The following FRK variants were observed in gnomAD, a reference collection of about 807,000 sequenced individuals.
FRK encodes the protein fyn related Src family tyrosine kinase, also known as tyrosine-protein kinase FRK.
In FRK, 51 loss-of-function variants were observed where a neutral mutation model predicts 56.4. The ratio of observed to expected loss-of-function variants is 0.90; its 90% CI spans 0.72 to 1.14. FRK has a LOEUF of 1.14. FRK is among the 50% of genes most tolerant of loss of function. The pLI, the probability that FRK is intolerant of heterozygous loss-of-function variation, is 0.00. For synonymous variants in FRK, 245 were observed against 217.9 expected, an observed-to-expected ratio of 1.12 and a Z score of -1.10; for missense variants, 570 against 601.4, an observed-to-expected ratio of 0.95 and a Z score of 0.55.
At chr6:116,061,308 T>A (rs1409749779), upstream of FRK, among the ~76,000 whole-genome samples, 2 of 151,908 alleles carry the variant, frequency 1.3e-5, no homozygotes, top group Non-Finnish European at 2.9e-5. Context: ...TCTGGAAAAG[T>A]AAGAAAGCAG....
intron 2 of FRK, chr6:116,002,612 C>CA (rs954313320): frequency 1.2e-5 from 5 of 428,294 alleles, no homozygotes; most frequent in African/African-American, 4.1e-5. Flanking sequence ...CTCAAAAAAA[C>CA]AAAAAAATGG....
At chr6:116,090,750 C>G in the FRK span, among the ~76,000 whole-genome samples, 1 of 152,086 alleles carries the variant, frequency 6.6e-6, no homozygotes, top group African/African-American at 2.4e-5. Context: ...CCCACACCCC[C>G]AAAAGAACAG....
At chr6:116,057,963 T>C (rs1372413875) in intron 1 of FRK, among the ~76,000 whole-genome samples, 1 of 152,242 alleles carries the variant, frequency 6.6e-6, no homozygotes, top group African/African-American at 2.4e-5. Flanking sequence ...TGAATGTAAC[T>C]GAACCACTAC....
the FRK span, among the ~76,000 whole-genome samples, chr6:116,080,729 T>C: frequency 6.6e-5 from 10 of 152,186 alleles, no homozygotes; most frequent in South Asian, 6.2e-4. Context: ...CAAAGAAACA[T>C]AGAAGGACTT....
chr6:115,987,068 T>C (rs1366055622), intron 2 of FRK, among the ~76,000 whole-genome samples: 1 of 152,090 alleles, frequency 6.6e-6, no homozygotes, highest in African/African-American at 2.4e-5. Flanking sequence ...TCATAGGCCA[T>C]GGATGCCAAG....
rs915620857 is a variant in FRK, at chr6:115,931,840, T to G, written c.*10574A>C. 6.6e-6 allele frequency: 1 copy of G among 152,198 alleles called. No homozygotes were observed. The highest frequency in any genetic ancestry group is 2.4e-5 in the African/African-American group (1 of 41,454). 9.4% of individuals were successfully genotyped at this position (152,198 alleles called of 1,614,324 possible). ...GCAGTTTTAGTTGCTTTTAACCACT[T>G]TTTCCCAACATACAACTTCTGGTTA... On this transcript the variant is annotated 3_prime_UTR_variant, in exon 8 of 8. Coordinates refer to ENST00000606080, the MANE Select transcript of FRK (RefSeq NM_002031.3).
chr6:116,075,686 C>T, the FRK span, among the ~76,000 whole-genome samples: 14 of 152,202 alleles, frequency 9.2e-5, no homozygotes, highest in African/African-American at 3.4e-4. Context: ...AGTGCCCCAC[C>T]ACCACCCACA....
intron 2 of FRK, among the ~76,000 whole-genome samples, chr6:116,002,489 C>T (rs944898337): frequency 3.3e-5 from 5 of 152,104 alleles, no homozygotes; most frequent in Admixed American, 1.3e-4. Flanking sequence ...TAGTGGCACG[C>T]GCCTGTAGTC....
At position 115,939,253 on chromosome 6, in the gene FRK, T is replaced by C. The variant is rs1443056387; in HGVS notation, c.*3161A>G. ...GACAAAAACCACATGATGATCTCAA[T>C]AGATGCAGAAAATTTGATAAAATTC... On this transcript the variant is annotated 3_prime_UTR_variant, in exon 8 of 8. Transcript: ENST00000606080. 1 of 152,128 alleles carries C rather than the reference T, an allele frequency of 6.6e-6. No homozygotes were observed. The highest frequency in any genetic ancestry group is 1.5e-5 in the Non-Finnish European group (1 of 68,030). 9.4% of individuals were successfully genotyped at this position (152,128 alleles called of 1,614,324 possible).
rs548827042 is a variant in FRK at position 116,032,767 on chromosome 6, T to C, written c.344+27201A>G. 4.6e-5 allele frequency among the ~76,000 whole-genome samples: 7 copies of C among 152,236 alleles called. No individual in the cohort carries two copies. The East Asian group carries it at 1.2e-3, about 25-fold the overall frequency. ...CTTTGAGATGCAGAGAGTAATTTTA[T>C]GTAATAGCACCGCAGAATTGATTCA... is the stretch of plus-strand genomic sequence containing the variant. On this transcript the variant is annotated intron_variant, in intron 1 of 7. Transcript: ENST00000606080.
At position 115,933,212 on chromosome 6, in the gene FRK, A is replaced by G. The variant is rs554532094; in HGVS notation, c.*9202T>C. The G allele has an allele frequency of 4.5e-4, 69 of 152,316 alleles. No homozygotes were observed. The highest frequency in any genetic ancestry group is 1.5e-3 in the African/African-American group (64 of 41,574). The allele number at this position is 152,316 out of a possible 1,614,324, so 9.4% of individuals were successfully genotyped here. Reference sequence around the variant, plus strand: ...TGTCAAAAGAGATTTGAAATACAACATGAAATGATGTACTCACATCCCTCA... The same window carrying G: ...TGTCAAAAGAGATTTGAAATACAACGTGAAATGATGTACTCACATCCCTCA... On this transcript the variant is annotated 3_prime_UTR_variant, in exon 8 of 8. Coordinates refer to ENST00000606080, the MANE Select transcript of FRK (RefSeq NM_002031.3).
chr6:115,951,923 T>G (rs1346839178), intron 5 of FRK, among the ~76,000 whole-genome samples: 1 of 152,200 alleles, frequency 6.6e-6, no homozygotes, highest in African/African-American at 2.4e-5. Flanking sequence ...TTATATTCCA[T>G]TACTCAAGAA....
intron 1 of FRK, among the ~76,000 whole-genome samples, chr6:116,020,199 TA>T (rs929533994): frequency 3.3e-5 from 5 of 152,100 alleles, no homozygotes; most frequent in South Asian, 4.1e-4. Context: ...AAGACTACCA[TA>T]AAAAAATTTA....
At chr6:115,947,671 AG>A (rs1562250039) in intron 5 of FRK, among the ~76,000 whole-genome samples, 2 of 152,112 alleles carry the variant, frequency 1.3e-5, no homozygotes, top group Non-Finnish European at 2.9e-5. Flanking sequence ...CACCTAGCAG[AG>A]CAGTCTGGCC....
At chr6:116,023,791 T>A (rs564492087) in intron 1 of FRK, among the ~76,000 whole-genome samples, 2 of 152,166 alleles carry the variant, frequency 1.3e-5, no homozygotes, top group Non-Finnish European at 2.9e-5. Context: ...AGAAATGTTC[T>A]ACATCATTAT....
chr6:116,044,579 T>C lies in FRK; in HGVS notation c.344+15389A>G, dbSNP rs575097714. ...CAATAAATTAGGTATTGATGAAATGTATCTCAAAATAATAAGAGCGATTTA... is the reference window on the plus strand; with the variant it reads ...CAATAAATTAGGTATTGATGAAATGCATCTCAAAATAATAAGAGCGATTTA... On this transcript the variant is annotated intron_variant, in intron 1 of 7. Coordinates refer to ENST00000606080, the MANE Select transcript of FRK (RefSeq NM_002031.3). Among the ~76,000 whole-genome samples the C allele has an allele frequency of 1.1e-4, 16 of 152,302 alleles. No homozygotes were observed. The South Asian group carries it at 3.3e-3, about 32-fold the overall frequency.
the FRK span, among the ~76,000 whole-genome samples, chr6:116,072,530 AACACACAC>A: frequency 6.2e-5 from 9 of 144,870 alleles, no homozygotes; most frequent in Admixed American, 2.8e-4. Flanking sequence ...AGGTTAAATA[AACACACAC>A]ACACACACAC....
intron 5 of FRK, 100 bp downstream of exon 5, chr6:115,956,352 T>C (rs1341470780): frequency 3.8e-6 from 3 of 787,190 alleles, no homozygotes; most frequent in Non-Finnish European, 5.7e-6. Context: ...ATACACATAG[T>C]AAATATCCTT....
chr6:116,011,189 G>A (rs942159155), intron 1 of FRK, among the ~76,000 whole-genome samples: 4 of 152,134 alleles, frequency 2.6e-5, no homozygotes, highest in Admixed American at 2.0e-4. Flanking sequence ...GTAAATAGAT[G>A]TGTTACCTCA....
Sources: gnomAD v4.1 joint callset for allele counts (sites outside exome capture counted in the v4.1 genomes callset) on GRCh38, gnomAD v4.1.1 for gene constraint, MANE v1.5 for transcripts, NCBI Gene and HGNC (gene_info 2026-07-23, HGNC 2026-07-21) for gene names.